The following PHF3 variants were observed in gnomAD, a reference collection of about 807,000 sequenced individuals.
The protein encoded by PHF3 is PHD finger protein 3.
PHF3 carries 41 observed loss-of-function variants against 178.4 expected under a neutral mutation model. The observed-to-expected ratio is 0.23, with a 90% CI of 0.18 to 0.30. The LOEUF is 0.30. Among genes scored for constraint, PHF3 ranks in the 10% least tolerant of loss-of-function variants. PHF3 has a pLI of 1.00. For missense variants in PHF3, 2,346 were observed against 2,398.1 expected (o/e 0.98, Z 0.45); for synonymous variants, 842 against 800.5 (o/e 1.05, Z -0.88).
chr6:63,698,427 A>T (rs1281354629), intron 7 of PHF3, 22 bp from the exon 8 acceptor site: 1 of 1,586,228 alleles, frequency 6.3e-7, no homozygotes, highest in Non-Finnish European at 8.6e-7. Context: ...TTGAAAAATA[A>T]TTGAATTGTT....
At chr6:63,667,091 T>C (rs1765714037) in intron 2 of PHF3, among the ~76,000 whole-genome samples, 1 of 152,092 alleles carries the variant, frequency 6.6e-6, no homozygotes, top group African/African-American at 2.4e-5. Flanking sequence ...GCAATCCTCC[T>C]ACCTTGGCCT....
intron 11 of PHF3, 114 bp from the exon 12 acceptor site, chr6:63,705,915 A>G (rs1266324617): frequency 1.7e-5 from 12 of 722,474 alleles, no homozygotes; most frequent in Non-Finnish European, 2.7e-5. Flanking sequence ...CAGGAAATGT[A>G]TGGTTACTCA....
At chr6:63,697,026 T>C (rs1481174427) in intron 6 of PHF3, among the ~76,000 whole-genome samples, 1 of 152,134 alleles carries the variant, frequency 6.6e-6, no homozygotes, top group Non-Finnish European at 1.5e-5. Flanking sequence ...CATAGCATGT[T>C]TGTAAGACTA....
In PHF3 at chr6:63,698,356, T is replaced by C. The variant is rs747721721; in HGVS notation, c.2814T>C (p.Ile938=). The C allele has an allele frequency of 1.2e-5, 19 of 1,608,510 alleles. No individual in the cohort carries two copies. The highest frequency in any genetic ancestry group is 1.6e-5 in the Non-Finnish European group (19 of 1,177,162). ...RQSVRHSLKD[I]LMKRLTDSNL... ...GTGTCAGACATTCTCTCAAAGACAT[T>C]CTTATGAAGAGGTAACATATATTTT... The change falls in exon 7 of 16, where the codon ATT becomes ATC. Residue 938 remains isoleucine (I), a synonymous_variant. Transcript: ENST00000262043.
Position 63,706,171 on chromosome 6 carries a change from C to T in PHF3, c.3510C>T (p.Phe1170=). 1 of 1,613,936 alleles carries T rather than the reference C, an allele frequency of 6.2e-7. No individual in the cohort carries two copies. Among genetic ancestry groups the T allele is most frequent in the Non-Finnish European group, 8.5e-7 (1 of 1,179,878 alleles). Residue 1170 remains phenylalanine, a synonymous_variant, in exon 12 of 16, where the codon TTC becomes TTT. Coordinates refer to ENST00000262043, the MANE Select transcript of PHF3 (RefSeq NM_001370348.2). ...CCTCAAATATTTTGGCTTCTGAATTCTTTGAGGAGGAGAAACAGGAGTCTC... is the reference window on the plus strand; with the variant it reads ...CCTCAAATATTTTGGCTTCTGAATTTTTTGAGGAGGAGAAACAGGAGTCTC... ...SSTSNILASE[F]FEEEKQESPK...
At position 63,722,008 on chromosome 6, in the gene PHF3, T is replaced by G. The variant is rs1768416989; in HGVS notation, c.*8300T>G. 6.6e-6 allele frequency among the ~76,000 whole-genome samples: 1 copy of G among 152,100 alleles called. No individual in the cohort carries two copies. ...TTGTTCAGCAATTGGCTACATAAAT[T>G]TTCTCTAGTTGTGGACAGTTCTCAT... On this transcript the variant is annotated 3_prime_UTR_variant, in exon 16 of 16. Coordinates refer to ENST00000262043, the MANE Select transcript of PHF3 (RefSeq NM_001370348.2).
chr6:63,652,976 C>G (rs1204386034), intron 2 of PHF3, among the ~76,000 whole-genome samples: 2 of 143,926 alleles, frequency 1.4e-5, no homozygotes, highest in South Asian at 4.3e-4. Flanking sequence ...ATAACTCCAG[C>G]TTTATTATTA....
chr6:63,721,847 T>C lies in PHF3; in HGVS notation c.*8139T>C, dbSNP rs1361024374. On this transcript the variant is annotated 3_prime_UTR_variant, in exon 16 of 16. Transcript: ENST00000262043. Reference sequence around the variant, plus strand: ...TGATTAGCAACAGTAAAAGTTTCCATTGAAAACTTTTGCTGTTTCTGGCCA... The same window carrying C: ...TGATTAGCAACAGTAAAAGTTTCCACTGAAAACTTTTGCTGTTTCTGGCCA... 3.4e-6 allele frequency: 5 copies of C among 1,480,108 alleles called. No individual in the cohort carries two copies. Among genetic ancestry groups the C allele is most frequent in the Admixed American group, 2.5e-5 (1 of 39,350 alleles). The allele number at this position is 1,480,108 out of a possible 1,614,324, so 91.7% of individuals were successfully genotyped here. A position where few individuals can be genotyped will look rare whatever the true frequency, so the allele number is the denominator to read the frequency against.
At position 63,723,839 on chromosome 6, in the gene PHF3, G is replaced by A. The variant is rs1768509038; in HGVS notation, c.*10131G>A. 7.1e-6 allele frequency among the ~76,000 whole-genome samples: 1 copy of A among 140,616 alleles called. No individual in the cohort carries two copies. Among genetic ancestry groups the A allele is most frequent in the African/African-American group, 2.7e-5 (1 of 36,654 alleles). 92.2% of individuals were successfully genotyped at this position (140,616 alleles called of 152,430 possible). ...TTATTATTATTATTATTATTATTTT[G>A]AGACCAGAGTCCTGCTCTGTCCCCC... is the stretch of plus-strand genomic sequence containing the variant. On this transcript the variant is annotated 3_prime_UTR_variant, in exon 16 of 16. Coordinates refer to ENST00000262043, the MANE Select transcript of PHF3 (RefSeq NM_001370348.2).
chr6:63,669,282 G>A (rs967288564), intron 2 of PHF3, among the ~76,000 whole-genome samples: 9 of 152,170 alleles, frequency 5.9e-5, no homozygotes, highest in African/African-American at 2.2e-4. Flanking sequence ...GCTTTTAACT[G>A]TTGATTTAGT....
chr6:63,636,589 C>CAGCATGG (rs1764350936), intron 1 of PHF3: 2 of 152,338 alleles, frequency 1.3e-5, no homozygotes, highest in Admixed American at 6.5e-5. Flanking sequence ...CAGGGAGCCC[C>CAGCATGG]AGCATGGAGC....
intron 1 of PHF3, among the ~76,000 whole-genome samples, chr6:63,644,249 G>A (rs1214295603): frequency 6.6e-6 from 1 of 152,156 alleles, no homozygotes; most frequent in African/African-American, 2.4e-5. Flanking sequence ...GCAACTCTCT[G>A]AAGAGGAGGT....
rs556728410 is a variant in PHF3, at chr6:63,638,762, C to T, written c.-26+2612C>T. Reference sequence around the variant, plus strand: ...CTTCTTGGAGCACTCTCTCAGAATTCTGGAGTATCTTTTCAGAAGGATAGA... The same window carrying T: ...CTTCTTGGAGCACTCTCTCAGAATTTTGGAGTATCTTTTCAGAAGGATAGA... On this transcript the variant is annotated intron_variant, in intron 1 of 15. Transcript: ENST00000262043. Among the ~76,000 whole-genome samples the T allele has an allele frequency of 3.3e-5, 5 of 152,178 alleles. No homozygotes were observed. In the South Asian group the frequency reaches 1.0e-3, roughly 32 times the overall value.
chr6:63,712,552 C>T lies in PHF3; in HGVS notation c.4964C>T (p.Ala1655Val), dbSNP rs772256766. The T allele has an allele frequency of 6.8e-6, 11 of 1,613,706 alleles. No homozygotes were observed. The highest frequency in any genetic ancestry group is 4.0e-5 in the African/African-American group (3 of 74,904). ...AACCTGAAAAGGGATCCTAGGCAAG[C>T]AGCAGGACGAAGTCAGCCTGTAACT... ...FINLKRDPRQ[A>V]AGRSQPVTTS... Residue 1655 changes from alanine to valine, a missense_variant, in exon 16 of 16, where the codon GCA (alanine) becomes GTA (valine). Coordinates refer to ENST00000262043, the MANE Select transcript of PHF3 (RefSeq NM_001370348.2).
At chr6:63,678,852 C>G in intron 2 of PHF3, 1 of 452,766 alleles carries the variant, frequency 2.2e-6, no homozygotes, top group Non-Finnish European at 4.4e-6. Context: ...TTGTTGAGCT[C>G]TTTTAAATGA....
chr6:63,705,060 T>G lies in PHF3; in HGVS notation c.3368-969T>G, dbSNP rs78589994. Reference sequence around the variant, plus strand: ...CATCTTTTCATGCTTATATGCCACCTGTATAGCTTCTCTGGTGAGGTGTCT... The same window carrying G: ...CATCTTTTCATGCTTATATGCCACCGGTATAGCTTCTCTGGTGAGGTGTCT... On this transcript the variant is annotated intron_variant, in intron 11 of 15. Transcript: ENST00000262043. Among the ~76,000 whole-genome samples the G allele has an allele frequency of 1.8e-4, 27 of 152,356 alleles. No individual in the cohort carries two copies. The East Asian group carries it at 4.2e-3, about 24-fold the overall frequency.
chr6:63,699,521 A>G (rs1379453031), intron 8 of PHF3, among the ~76,000 whole-genome samples: 2 of 152,240 alleles, frequency 1.3e-5, no homozygotes, highest in South Asian at 2.1e-4. Context: ...CCCGAGGATC[A>G]GATGCTTCTG....
chr6:63,667,027 C>G (rs1765710960), intron 2 of PHF3, among the ~76,000 whole-genome samples: 1 of 152,030 alleles, frequency 6.6e-6, no homozygotes, highest in Admixed American at 6.6e-5. Flanking sequence ...GCTGGGATTG[C>G]AGAGGCGGGG....
At chr6:63,707,870 T>C (rs1330572314) in intron 13 of PHF3, among the ~76,000 whole-genome samples, 2 of 151,938 alleles carry the variant, frequency 1.3e-5, no homozygotes, top group Non-Finnish European at 2.9e-5. Flanking sequence ...TTTGTTTTTG[T>C]TTTTGTTTTT....
Sources: allele counts gnomAD v4.1 joint callset (sites outside exome capture counted in the v4.1 genomes callset), GRCh38; gene constraint gnomAD v4.1.1; transcripts MANE v1.5; gene names NCBI Gene and HGNC (gene_info 2026-07-23, HGNC 2026-07-21).